Variants in ARK2C observed in about 807,000 individuals in gnomAD.
ARK2C encodes the protein arkadia (RNF111) C-terminal like ring finger ubiquitin ligase 2C.
At chr18:46,435,031 C>T in the ARK2C span, among the ~76,000 whole-genome samples, 55 of 152,266 alleles carry the variant, frequency 3.6e-4, no homozygotes, top group African/African-American at 1.3e-3. Context: ...ACCACAGACA[C>T]ACCAAGGGAG....
At chr18:46,394,924 A>G in the ARK2C span, among the ~76,000 whole-genome samples, 1 of 152,344 alleles carries the variant, frequency 6.6e-6, no homozygotes, top group East Asian at 1.9e-4. Flanking sequence ...TTTGACTAAC[A>G]TGAACTTTCA....
At chr18:46,446,683 AAAAAAAAAAAAGGAAAAG>A in the ARK2C span, among the ~76,000 whole-genome samples, 1 of 151,396 alleles carries the variant, frequency 6.6e-6, no homozygotes, top group East Asian at 1.9e-4. Flanking sequence ...AAAAAAAAAA[AAAAAAAAAAAAGGAAAAG>A]AAAAAAAAAA....
At chr18:46,381,320 G>T in the ARK2C span, among the ~76,000 whole-genome samples, 1 of 152,154 alleles carries the variant, frequency 6.6e-6, no homozygotes, top group African/African-American at 2.4e-5. Flanking sequence ...AGGTTTAGCC[G>T]CAAGAAACAG....
At chr18:46,360,874 C>A in the ARK2C span, among the ~76,000 whole-genome samples, 5 of 152,250 alleles carry the variant, frequency 3.3e-5, no homozygotes, top group African/African-American at 7.2e-5. Context: ...CCTGGGGAGA[C>A]AAAGCTGTGG....
chr18:46,411,754 C>A, the ARK2C span, among the ~76,000 whole-genome samples: 1 of 152,202 alleles, frequency 6.6e-6, no homozygotes, highest in African/African-American at 2.4e-5. Context: ...GGCTGCTCAC[C>A]CAATGTGAAC....
At chr18:46,353,173 T>A in the ARK2C span, among the ~76,000 whole-genome samples, 7 of 152,242 alleles carry the variant, frequency 4.6e-5, no homozygotes, top group Non-Finnish European at 2.9e-5. Flanking sequence ...TATAGTAGAA[T>A]GTTAGATCTA....
the ARK2C span, chr18:46,433,586 A>C: frequency 8.0e-7 from 1 of 1,250,348 alleles, no homozygotes; most frequent in Non-Finnish European, 1.1e-6. Context: ...CAGGGCCAGG[A>C]CGAGGGCGTG....
the ARK2C span, among the ~76,000 whole-genome samples, chr18:46,445,193 C>T: frequency 1.4e-4 from 22 of 152,174 alleles, no homozygotes; most frequent in Admixed American, 5.2e-4. Context: ...TGTTAGGCTT[C>T]GTTCTGGTAA....
At chr18:46,440,519 C>A in the ARK2C span, among the ~76,000 whole-genome samples, 1 of 152,116 alleles carries the variant, frequency 6.6e-6, no homozygotes, top group African/African-American at 2.4e-5. Context: ...AAAGGAGAAA[C>A]TAGTATATTT....
At chr18:46,439,256 A>T in the ARK2C span, among the ~76,000 whole-genome samples, 1 of 152,206 alleles carries the variant, frequency 6.6e-6, no homozygotes, top group South Asian at 2.1e-4. Context: ...CCTCAGAAAG[A>T]TCTCAGATGA....
chr18:46,380,209 C>T, the ARK2C span, among the ~76,000 whole-genome samples: 18 of 152,230 alleles, frequency 1.2e-4, no homozygotes, highest in Non-Finnish European at 2.5e-4. Flanking sequence ...TCTCTGCTGC[C>T]TTTTGGCTGT....
the ARK2C span, chr18:46,335,045 CGTGT>C: frequency 8.2e-5 from 12 of 145,812 alleles, no homozygotes; most frequent in Middle Eastern, 3.4e-3. Flanking sequence ...TGCTTGGGCG[CGTGT>C]GTGTGTGTGT....
the ARK2C span, among the ~76,000 whole-genome samples, chr18:46,420,495 T>A: frequency 6.6e-6 from 1 of 152,198 alleles, no homozygotes; most frequent in Non-Finnish European, 1.5e-5. Flanking sequence ...CCCCTCCTTT[T>A]GGCACCAGAC....
At chr18:46,422,337 G>T in the ARK2C span, among the ~76,000 whole-genome samples, 335 of 152,280 alleles carry the variant, frequency 2.2e-3, 1 homozygote, top group African/African-American at 7.8e-3. Context: ...GCATTACCTA[G>T]TTGCATGAAA....
the ARK2C span, among the ~76,000 whole-genome samples, chr18:46,439,615 T>G: frequency 6.6e-6 from 1 of 152,222 alleles, no homozygotes; most frequent in Non-Finnish European, 1.5e-5. Context: ...TTTCCATGCA[T>G]GCTTTTGGTA....
chr18:46,419,506 C>T, the ARK2C span, among the ~76,000 whole-genome samples: 18 of 152,262 alleles, frequency 1.2e-4, no homozygotes, highest in Admixed American at 2.0e-4. Context: ...GAGAGCCTGC[C>T]GGGACTCTCC....
chr18:46,435,236 C>T, the ARK2C span: 2 of 1,532,294 alleles, frequency 1.3e-6, no homozygotes, highest in Admixed American at 1.7e-5. Flanking sequence ...CTCTTGAGAA[C>T]TAGTGGCCTG....
the ARK2C span, among the ~76,000 whole-genome samples, chr18:46,378,515 G>A: frequency 9.2e-5 from 14 of 152,154 alleles, no homozygotes; most frequent in African/African-American, 1.7e-4. Context: ...GAAAGGCTTC[G>A]GGGAGCTTGG....
At chr18:46,408,928 C>A in the ARK2C span, among the ~76,000 whole-genome samples, 1 of 152,152 alleles carries the variant, frequency 6.6e-6, no homozygotes, top group Non-Finnish European at 1.5e-5. Context: ...AGTCTCAGTT[C>A]CCTGTTCATT....
Sources: allele counts gnomAD v4.1 joint callset (sites outside exome capture counted in the v4.1 genomes callset), GRCh38; gene constraint gnomAD v4.1.1; transcripts MANE v1.5; gene names NCBI Gene and HGNC (gene_info 2026-07-23, HGNC 2026-07-21).